Variants in CNTN5 observed in about 807,000 individuals in gnomAD.
CNTN5 encodes the protein contactin 5, also known as contactin-5.
Under a neutral mutation model 129.1 loss-of-function variants are expected in CNTN5, and 77 were observed. The observed-to-expected ratio is 0.60, with a 90% CI of 0.50 to 0.72. The LOEUF (loss-of-function observed/expected upper bound fraction) is 0.72, where lower values mean the gene tolerates loss of function less well. CNTN5 is among the 30% of genes least tolerant of loss of function. The pLI is 0.00. For missense variants in CNTN5, 1,478 were observed against 1,328.8 expected (o/e 1.11, Z -1.75); for synonymous variants, 509 against 465.6 (o/e 1.09, Z -1.20).
chr11:99,169,610 C>T (rs540646699), intron 1 of CNTN5, among the ~76,000 whole-genome samples: 1 of 152,286 alleles, frequency 6.6e-6, no homozygotes, highest in South Asian at 2.1e-4. Context: ...TGGATTACCA[C>T]TGTCTTTTGC....
intron 3 of CNTN5, among the ~76,000 whole-genome samples, chr11:99,732,661 C>T (rs1006652973): frequency 3.9e-5 from 6 of 152,214 alleles, no homozygotes; most frequent in Admixed American, 1.3e-4. Context: ...TTCAGCTTAG[C>T]GCTTAAGCCC....
intron 24 of CNTN5, 130 bp from the exon 25 acceptor site, chr11:100,355,984 TAAA>T: frequency 1.6e-6 from 1 of 627,134 alleles, no homozygotes; most frequent in Non-Finnish European, 2.8e-6. Flanking sequence ...TCTGATTTTA[TAAA>T]TATAAAGAAC....
intron 1 of CNTN5, among the ~76,000 whole-genome samples, chr11:99,229,912 G>T (rs1860900518): frequency 1.3e-5 from 2 of 151,636 alleles, no homozygotes; most frequent in East Asian, 3.9e-4. Flanking sequence ...TAAATATAAT[G>T]TGCAATATAT....
chr11:99,827,952 C>A (rs533170554), intron 4 of CNTN5, among the ~76,000 whole-genome samples: 1 of 152,252 alleles, frequency 6.6e-6, no homozygotes, highest in South Asian at 2.1e-4. Flanking sequence ...GTACTTTTTA[C>A]ATTTTTTCTG....
intron 8 of CNTN5, among the ~76,000 whole-genome samples, chr11:99,963,216 G>A (rs1950998847): frequency 1.3e-5 from 2 of 152,126 alleles, no homozygotes; most frequent in Non-Finnish European, 2.9e-5. Flanking sequence ...TGGTGTTTTA[G>A]ACATGAAGTC....
At chr11:100,083,210 G>C (rs930510600) in intron 13 of CNTN5, among the ~76,000 whole-genome samples, 4 of 151,632 alleles carry the variant, frequency 2.6e-5, no homozygotes, top group Non-Finnish European at 5.9e-5. Flanking sequence ...CCAGCTACTC[G>C]GGAGGATGAG....
intron 3 of CNTN5, among the ~76,000 whole-genome samples, chr11:99,709,700 T>G (rs1187414404): frequency 6.6e-6 from 1 of 151,868 alleles, no homozygotes; most frequent in Non-Finnish European, 1.5e-5. Context: ...GTTTATGTTT[T>G]GGGTAAATTT....
intron 3 of CNTN5, among the ~76,000 whole-genome samples, chr11:99,746,356 A>T (rs553535724): frequency 1.3e-5 from 2 of 152,142 alleles, no homozygotes; most frequent in Non-Finnish European, 2.9e-5. Flanking sequence ...GTTCTTGGCA[A>T]TTTATCAAAT....
At chr11:99,768,827 TAAG>T (rs1944846437) in intron 3 of CNTN5, among the ~76,000 whole-genome samples, 1 of 152,118 alleles carries the variant, frequency 6.6e-6, no homozygotes, top group East Asian at 1.9e-4. Context: ...ATGTTATTGA[TAAG>T]TAGTAATGTC....
At chr11:99,080,945 T>G (rs1865764513) in intron 1 of CNTN5, among the ~76,000 whole-genome samples, 1 of 151,350 alleles carries the variant, frequency 6.6e-6, no homozygotes, top group African/African-American at 2.4e-5. Flanking sequence ...TTTTTAAGAG[T>G]TGCTGCAAAT....
chr11:99,286,130 G>A (rs1295982566), intron 1 of CNTN5, among the ~76,000 whole-genome samples: 1 of 150,534 alleles, frequency 6.6e-6, no homozygotes, highest in African/African-American at 2.4e-5. Flanking sequence ...ATTTCTTTCT[G>A]CTTTCTATTG....
chr11:100,002,543 A>C (rs1025584555), intron 9 of CNTN5, among the ~76,000 whole-genome samples: 1 of 152,286 alleles, frequency 6.6e-6, no homozygotes, highest in Non-Finnish European at 1.5e-5. Context: ...GCAGATAAAA[A>C]TCATGAGGAT....
chr11:99,237,358 T>C (rs1016180856), intron 1 of CNTN5, among the ~76,000 whole-genome samples: 4 of 152,174 alleles, frequency 2.6e-5, no homozygotes, highest in Non-Finnish European at 5.9e-5. Flanking sequence ...TTAGTTTTAT[T>C]ATCCATTCAC....
intron 1 of CNTN5, among the ~76,000 whole-genome samples, chr11:99,193,354 A>G (rs892117317): frequency 2.0e-5 from 3 of 152,210 alleles, no homozygotes; most frequent in Non-Finnish European, 2.9e-5. Flanking sequence ...TGAATGACCT[A>G]CATGAGCATG....
intron 1 of CNTN5, among the ~76,000 whole-genome samples, chr11:99,114,980 T>C (rs1190363089): frequency 6.6e-6 from 1 of 152,158 alleles, no homozygotes; most frequent in African/African-American, 2.4e-5. Context: ...AGTGCCCTTA[T>C]AGAAGAGGCT....
intron 17 of CNTN5, among the ~76,000 whole-genome samples, chr11:100,270,210 T>A (rs759796772): frequency 5.2e-4 from 79 of 152,364 alleles, no homozygotes; most frequent in Admixed American, 1.4e-3. Context: ...AACATTCTTT[T>A]GGTACCTTTC....
intron 18 of CNTN5, among the ~76,000 whole-genome samples, chr11:100,277,928 T>C (rs2138807138): frequency 6.6e-6 from 1 of 152,262 alleles, no homozygotes; most frequent in East Asian, 1.9e-4. Context: ...TTTCCTGTAG[T>C]AGTTTCATAT....
At chr11:99,455,550 A>G (rs1944467097) in intron 2 of CNTN5, among the ~76,000 whole-genome samples, 1 of 152,138 alleles carries the variant, frequency 6.6e-6, no homozygotes, top group African/African-American at 2.4e-5. Flanking sequence ...GTCGAAATCA[A>G]ATTCTAAGAG....
At chr11:100,067,052 T>C (rs1943725629) in intron 10 of CNTN5, among the ~76,000 whole-genome samples, 1 of 151,992 alleles carries the variant, frequency 6.6e-6, no homozygotes, top group African/African-American at 2.4e-5. Context: ...TCGGACCATA[T>C]AGTATAGACC....
Sources: allele counts gnomAD v4.1 joint callset (sites outside exome capture counted in the v4.1 genomes callset), GRCh38; gene constraint gnomAD v4.1.1; transcripts MANE v1.5; gene names NCBI Gene and HGNC (gene_info 2026-07-23, HGNC 2026-07-21).